TENM2: variants seen among roughly 807,000 people sequenced by gnomAD.
The protein encoded by TENM2 is teneurin-2.
In TENM2, 52 loss-of-function variants were observed where a neutral mutation model predicts 245.2. That is an observed-to-expected ratio of 0.21 (90% CI 0.17 to 0.27). The LOEUF is 0.27. Ranked by LOEUF, TENM2 falls within the 10% of genes least tolerant of loss-of-function variation. The probability of loss-of-function intolerance (pLI) is 1.00; values close to 1 mark genes in which losing one functional copy is unlikely to be tolerated. For missense variants in TENM2, 3,046 were observed against 3,666.8 expected (o/e 0.83, Z 4.37); for synonymous variants, 1,363 against 1,438.9 (o/e 0.95, Z 1.19).
intron 12 of TENM2, among the ~76,000 whole-genome samples, chr5:168,157,767 T>C (rs1757313134): frequency 6.6e-6 from 1 of 152,040 alleles, no homozygotes; most frequent in South Asian, 2.1e-4. Flanking sequence ...CAGAATTCTT[T>C]TGAGTTTGAG....
intron 2 of TENM2, among the ~76,000 whole-genome samples, chr5:167,604,378 G>A (rs1776874317): frequency 6.6e-6 from 1 of 152,158 alleles, no homozygotes. Flanking sequence ...ATGAAACGGG[G>A]CAGTGGGGCA....
chr5:167,302,002 A>G (rs1342189443), intron 1 of TENM2, among the ~76,000 whole-genome samples: 2 of 152,080 alleles, frequency 1.3e-5, no homozygotes, highest in African/African-American at 2.4e-5. Flanking sequence ...GAAAAGGAAT[A>G]TTAGAAAGAC....
At chr5:167,182,491 A>G in the TENM2 span, among the ~76,000 whole-genome samples, 3 of 152,256 alleles carry the variant, frequency 2.0e-5, no homozygotes, top group African/African-American at 2.4e-5. Flanking sequence ...AGATGAATTT[A>G]TACTTTTAAG....
chr5:167,938,961 T>G (rs35278978), intron 3 of TENM2, among the ~76,000 whole-genome samples: 28,307 of 148,018 alleles, frequency 0.19, 3,021 homozygotes, highest in East Asian at 0.38. Flanking sequence ...AAAAAAAAAA[T>G]TGTTTGTCAT....
At chr5:167,655,655 T>C (rs1229208682) in intron 2 of TENM2, among the ~76,000 whole-genome samples, 3 of 152,210 alleles carry the variant, frequency 2.0e-5, no homozygotes, top group Non-Finnish European at 4.4e-5. Flanking sequence ...AAAATATTCA[T>C]AGATGTGTAG....
chr5:167,453,023 T>G (rs1582089827), intron 2 of TENM2, among the ~76,000 whole-genome samples: 1 of 134,242 alleles, frequency 7.4e-6, no homozygotes, highest in Non-Finnish European at 1.6e-5. Flanking sequence ...TGTAGCTGAG[T>G]GGGTAGTTGA....
At chr5:167,096,452 C>A in the TENM2 span, among the ~76,000 whole-genome samples, 1 of 152,174 alleles carries the variant, frequency 6.6e-6, no homozygotes, top group African/African-American at 2.4e-5. Flanking sequence ...CCCGATGAGT[C>A]CCTTACCACA....
At chr5:168,257,698 C>T (rs1472499710) in intron 27 of TENM2, among the ~76,000 whole-genome samples, 3 of 151,688 alleles carry the variant, frequency 2.0e-5, no homozygotes, top group Non-Finnish European at 4.4e-5. Context: ...TCACTGCAAC[C>T]TCTGCCTCCC....
At chr5:167,434,055 C>T (rs975171474) in intron 2 of TENM2, among the ~76,000 whole-genome samples, 1 of 152,086 alleles carries the variant, frequency 6.6e-6, no homozygotes, top group Non-Finnish European at 1.5e-5. Context: ...AAACAGCTTA[C>T]ATTTCAGATA....
chr5:167,513,232 G>A (rs1009096075), intron 2 of TENM2, among the ~76,000 whole-genome samples: 3 of 152,040 alleles, frequency 2.0e-5, no homozygotes, highest in Admixed American at 2.0e-4. Flanking sequence ...TATGACCCAG[G>A]GACCTTCTGA....
chr5:168,248,130 T>A (rs142031449), exon 27 of TENM2: 4 of 1,613,890 alleles, frequency 2.5e-6, no homozygotes, highest in Admixed American at 1.7e-5. Flanking sequence ...ATGGGGAGAT[T>A]TATTATGACT....
chr5:167,491,106 C>A (rs540742793), intron 2 of TENM2, among the ~76,000 whole-genome samples: 1 of 152,140 alleles, frequency 6.6e-6, no homozygotes, highest in African/African-American at 2.4e-5. Context: ...CAGATGGAAT[C>A]TCATGTACTG....
At chr5:167,450,964 TAC>T (rs1475218377) in intron 2 of TENM2, among the ~76,000 whole-genome samples, 5 of 152,236 alleles carry the variant, frequency 3.3e-5, no homozygotes, top group African/African-American at 9.6e-5. Context: ...TGCAAGACTG[TAC>T]AGTCTCTTAT....
intron 3 of TENM2, among the ~76,000 whole-genome samples, chr5:167,944,432 A>G (rs1779439184): frequency 6.6e-6 from 1 of 151,546 alleles, no homozygotes; most frequent in African/African-American, 2.4e-5. Context: ...GCAGGGTCTC[A>G]GCCAAAAAAA....
intron 2 of TENM2, among the ~76,000 whole-genome samples, chr5:167,502,868 C>T (rs1188343717): frequency 6.6e-6 from 1 of 152,146 alleles, no homozygotes; most frequent in Non-Finnish European, 1.5e-5. Flanking sequence ...AACAACCTTC[C>T]AGAATCTGTA....
At chr5:167,416,429 C>G (rs1169649397) in intron 2 of TENM2, among the ~76,000 whole-genome samples, 2 of 152,084 alleles carry the variant, frequency 1.3e-5, no homozygotes, top group Admixed American at 1.3e-4. Flanking sequence ...TAAATACATA[C>G]GGGGCTCCTA....
chr5:168,065,156 A>G (rs1416999756), intron 7 of TENM2, among the ~76,000 whole-genome samples: 2 of 152,184 alleles, frequency 1.3e-5, no homozygotes, highest in South Asian at 2.1e-4. Context: ...ATGAAATTCT[A>G]TTGGCTGTGC....
the TENM2 span, among the ~76,000 whole-genome samples, chr5:167,183,956 G>A: frequency 1.3e-5 from 2 of 152,044 alleles, no homozygotes; most frequent in African/African-American, 4.8e-5. Context: ...CTTAGAAAAA[G>A]GACATTTTCT....
intron 7 of TENM2, among the ~76,000 whole-genome samples, chr5:168,084,868 C>G (rs1268422678): frequency 6.6e-6 from 1 of 152,186 alleles, no homozygotes; most frequent in East Asian, 1.9e-4. Flanking sequence ...CTGCTCTGCC[C>G]AGGTCTGACC....
Sources: allele counts gnomAD v4.1 joint callset (sites outside exome capture counted in the v4.1 genomes callset), GRCh38; gene constraint gnomAD v4.1.1; transcripts MANE v1.5; gene names NCBI Gene and HGNC (gene_info 2026-07-23, HGNC 2026-07-21).